Variants in PROS1 observed in about 807,000 individuals in gnomAD.
The protein encoded by PROS1 is vitamin K-dependent protein S.
Under a neutral mutation model 75.9 loss-of-function variants are expected in PROS1, and 29 were observed. The ratio of observed to expected loss-of-function variants is 0.38; its 90% CI spans 0.28 to 0.52. The LOEUF (loss-of-function observed/expected upper bound fraction) is 0.52, where lower values mean the gene tolerates loss of function less well. Among genes scored for constraint, PROS1 ranks in the 20% least tolerant of loss-of-function variants. PROS1 has a pLI of 0.83. For synonymous variants in PROS1, 245 were observed against 280.6 expected (o/e 0.87, Z 1.27); for missense variants, 680 against 810.3 (o/e 0.84, Z 1.95).
At chr3:93,914,323 C>T (rs1708806747) in intron 3 of PROS1, among the ~76,000 whole-genome samples, 1 of 152,230 alleles carries the variant, frequency 6.6e-6, no homozygotes. Context: ...AGGTGGAGGC[C>T]ACCTTGACCC....
intron 1 of PROS1, among the ~76,000 whole-genome samples, chr3:93,939,370 T>G (rs1015353614): frequency 4.6e-5 from 7 of 152,108 alleles, no homozygotes; most frequent in African/African-American, 1.7e-4. Context: ...CAAGCGTCAC[T>G]GAGTCTTTTC....
intron 4 of PROS1, among the ~76,000 whole-genome samples, chr3:93,910,067 G>GA (rs1375747066): frequency 3.9e-5 from 6 of 152,084 alleles, no homozygotes; most frequent in Non-Finnish European, 8.8e-5. Context: ...AATATTCTCT[G>GA]AACAAACATC....
At chr3:93,971,670 C>CACAT (rs1301625845) in intron 1 of PROS1, among the ~76,000 whole-genome samples, 17 of 149,926 alleles carry the variant, frequency 1.1e-4, no homozygotes, top group African/African-American at 4.2e-4. Flanking sequence ...CACACACACA[C>CACAT]ATAAATTAGC....
chr3:93,941,953 T>C lies in PROS1; in HGVS notation c.77-14546A>G, dbSNP rs549873258. Among the ~76,000 whole-genome samples, 5 of 152,298 alleles carry C rather than the reference T, an allele frequency of 3.3e-5. No homozygotes were observed. The East Asian group carries it at 7.7e-4, about 24-fold the overall frequency. On this transcript the variant is annotated intron_variant, in intron 1 of 14. Coordinates refer to ENST00000394236, the MANE Select transcript of PROS1 (RefSeq NM_000313.4). Reference sequence around the variant, plus strand: ...CCTTTGTTGAGTCTCCCACAATTACTATTGTTCCTGGCCTGGACTTCAATC... The same window carrying C: ...CCTTTGTTGAGTCTCCCACAATTACCATTGTTCCTGGCCTGGACTTCAATC...
intron 7 of PROS1, among the ~76,000 whole-genome samples, chr3:93,900,215 G>C (rs955439887): frequency 1.3e-5 from 2 of 152,192 alleles, no homozygotes; most frequent in African/African-American, 2.4e-5. Context: ...TGAAGTAACA[G>C]CACCTTTAAG....
intron 3 of PROS1, among the ~76,000 whole-genome samples, chr3:93,917,907 G>A (rs1444166509): frequency 2.0e-5 from 3 of 152,094 alleles, no homozygotes; most frequent in African/African-American, 4.8e-5. Context: ...CCTCCTTGAT[G>A]AGCCCCACCC....
At chr3:93,963,253 A>C (rs2107263490) in intron 1 of PROS1, among the ~76,000 whole-genome samples, 1 of 152,276 alleles carries the variant, frequency 6.6e-6, no homozygotes, top group East Asian at 1.9e-4. Context: ...TGACTATCTG[A>C]CACCTGGTGA....
intron 2 of PROS1, among the ~76,000 whole-genome samples, chr3:93,926,662 G>T (rs1471383448): frequency 4.6e-5 from 7 of 152,234 alleles, no homozygotes; most frequent in African/African-American, 1.7e-4. Flanking sequence ...AATGCCAATG[G>T]AGAAATTTAA....
intron 1 of PROS1, among the ~76,000 whole-genome samples, chr3:93,937,368 A>AT (rs11345121): frequency 1.3e-3 from 173 of 129,422 alleles, no homozygotes; most frequent in Middle Eastern, 0.013. Flanking sequence ...TCATGAGTTG[A>AT]TTTTTTTTTT....
Position 93,927,326 on chromosome 3 carries a change from T to G in PROS1, c.158A>C (p.Asn53Thr). The change falls in exon 2 of 15, where the codon AAT (asparagine) becomes ACT (threonine). Residue 53 changes from asparagine (N) to threonine (T), a missense_variant. Asn to Thr is a moderately conservative substitution (Grantham distance 65, BLOSUM62 0). Transcript: ENST00000394236. ...TTCTTCGATGCATTCTCTTTCAAGATTACCCTGTTTGGTTTCTTCAAGTAA... is the reference window on the plus strand; with the variant it reads ...TTCTTCGATGCATTCTCTTTCAAGAGTACCCTGTTTGGTTTCTTCAAGTAA... ...NSLLEETKQG[N>T]LERECIEELC... The G allele has an allele frequency of 6.2e-7, 1 of 1,613,870 alleles. No individual in the cohort carries two copies. Among genetic ancestry groups the G allele is most frequent in the East Asian group, 2.2e-5 (1 of 44,836 alleles).
chr3:93,938,314 C>T (rs752896750), intron 1 of PROS1, among the ~76,000 whole-genome samples: 6 of 152,206 alleles, frequency 3.9e-5, no homozygotes, highest in East Asian at 1.9e-4. Flanking sequence ...TCCTATAAAA[C>T]GGCCCCACCC....
At chr3:93,931,983 A>T (rs1264379257) in intron 1 of PROS1, among the ~76,000 whole-genome samples, 1 of 152,256 alleles carries the variant, frequency 6.6e-6, no homozygotes, top group Non-Finnish European at 1.5e-5. Flanking sequence ...CTTTTGAAGC[A>T]GTCTACTGCT....
At chr3:93,952,690 C>T (rs1211119946) in intron 1 of PROS1, among the ~76,000 whole-genome samples, 1 of 152,092 alleles carries the variant, frequency 6.6e-6, no homozygotes, top group Non-Finnish European at 1.5e-5. Flanking sequence ...AGAGCAAACA[C>T]ATTCAAAAGC....
chr3:93,928,459 G>C (rs1235329046), intron 1 of PROS1, among the ~76,000 whole-genome samples: 1 of 150,768 alleles, frequency 6.6e-6, no homozygotes, highest in Non-Finnish European at 1.5e-5. Context: ...ATTTGAACCA[G>C]GGAGCCAGAG....
intron 1 of PROS1, among the ~76,000 whole-genome samples, chr3:93,947,196 G>A (rs542582089): frequency 5.9e-5 from 9 of 152,126 alleles, no homozygotes; most frequent in Non-Finnish European, 1.3e-4. Context: ...TGGAGAAATA[G>A]GAAGGAACAC....
intron 1 of PROS1, among the ~76,000 whole-genome samples, chr3:93,933,907 G>A (rs902864590): frequency 6.6e-6 from 1 of 151,990 alleles, no homozygotes; most frequent in African/African-American, 2.4e-5. Context: ...TACTCAGGAG[G>A]CTGAGGCAGA....
chr3:93,917,560 T>G (rs1329517494), intron 3 of PROS1, among the ~76,000 whole-genome samples: 1 of 152,196 alleles, frequency 6.6e-6, no homozygotes, highest in African/African-American at 2.4e-5. Flanking sequence ...GGGAGCCCCT[T>G]TCTGGGCTGG....
intron 9 of PROS1, among the ~76,000 whole-genome samples, chr3:93,893,668 A>T (rs1708463183): frequency 6.6e-6 from 1 of 152,192 alleles, no homozygotes. Context: ...ACTCGTGGAG[A>T]TCTACAAGAT....
At chr3:93,931,995 C>T (rs1214890593) in intron 1 of PROS1, among the ~76,000 whole-genome samples, 2 of 152,248 alleles carry the variant, frequency 1.3e-5, no homozygotes, top group African/African-American at 2.4e-5. Flanking sequence ...TCTACTGCTT[C>T]TTGCCAGAAA....
Sources: allele counts gnomAD v4.1 joint callset (sites outside exome capture counted in the v4.1 genomes callset), GRCh38; gene constraint gnomAD v4.1.1; transcripts MANE v1.5; gene names NCBI Gene and HGNC (gene_info 2026-07-23, HGNC 2026-07-21).